Variants in ULK2 observed in about 807,000 individuals in gnomAD.
The protein encoded by ULK2 is serine/threonine-protein kinase ULK2.
ULK2 carries 76 observed loss-of-function variants against 127.5 expected under a neutral mutation model. That is an observed-to-expected ratio of 0.60 (90% CI 0.50 to 0.72). The LOEUF is 0.72. ULK2 is among the 30% of genes least tolerant of loss of function. ULK2 has a pLI of 0.00. For missense variants in ULK2, 1,144 were observed against 1,295.9 expected (o/e 0.88, Z 1.80); for synonymous variants, 452 against 461.9 (o/e 0.98, Z 0.28).
chr17:19,810,510 T>C (rs2087615350), intron 13 of ULK2, 72 bp from the exon 14 acceptor site: 1 of 957,028 alleles, frequency 1.0e-6, no homozygotes, highest in Non-Finnish European at 1.6e-6. Context: ...TGTTCCAAAA[T>C]GATTATTAGG....
intron 14 of ULK2, among the ~76,000 whole-genome samples, chr17:19,810,058 T>C (rs1477987270): frequency 1.3e-5 from 2 of 150,802 alleles, no homozygotes; most frequent in African/African-American, 4.9e-5. Flanking sequence ...AGTGAAACCT[T>C]GTCTCTATTA....
intron 16 of ULK2, among the ~76,000 whole-genome samples, 192 bp downstream of exon 16, chr17:19,801,585 T>C (rs1242361822): frequency 6.6e-6 from 1 of 151,668 alleles, no homozygotes. Context: ...TTGTCTCAAA[T>C]AGAGAAAGAA....
intron 11 of ULK2, among the ~76,000 whole-genome samples, chr17:19,825,901 G>A (rs897585486): frequency 6.6e-6 from 1 of 151,144 alleles, no homozygotes; most frequent in African/African-American, 2.4e-5. Context: ...CAGGAGAATG[G>A]CTTGAACCCG....
intron 3 of ULK2, among the ~76,000 whole-genome samples, chr17:19,862,562 C>G (rs999961224): frequency 6.6e-5 from 10 of 150,810 alleles, no homozygotes; most frequent in Non-Finnish European, 1.3e-4. Context: ...GCCTCCTGGG[C>G]TCAAGCAATT....
Position 19,867,744 on chromosome 17 carries a change from C to G in ULK2, c.-327G>C, listed in dbSNP as rs112155453. The G allele has an allele frequency of 0.068, 11,199 of 164,132 alleles. 488 individuals are homozygous for G. Among genetic ancestry groups the G allele is most frequent in the Non-Finnish European group, 0.1 (7,755 of 76,472 alleles). The allele number at this position is 164,132 out of a possible 1,614,324, so 10.2% of individuals were successfully genotyped here. On this transcript the variant is annotated 5_prime_UTR_variant, in exon 1 of 27. Transcript: ENST00000395544. ...CACTGTGCGCGCCCAGAGCCGCACA[C>G]GCGCTCTGAGGCAGTGAGGGGCCCG...
At chr17:19,837,711 A>G (rs1262373930) in intron 10 of ULK2, among the ~76,000 whole-genome samples, 2 of 152,076 alleles carry the variant, frequency 1.3e-5, no homozygotes, top group Non-Finnish European at 2.9e-5. Context: ...CATTCAATCT[A>G]TCAGTGAATG....
intron 25 of ULK2, among the ~76,000 whole-genome samples, chr17:19,778,166 A>G (rs2086846909): frequency 6.6e-6 from 1 of 152,204 alleles, no homozygotes; most frequent in Non-Finnish European, 1.5e-5. Flanking sequence ...TCATTCATTC[A>G]TTCAAAGATA....
At chr17:19,782,688 G>A (rs2086944852) in intron 22 of ULK2, among the ~76,000 whole-genome samples, 1 of 152,174 alleles carries the variant, frequency 6.6e-6, no homozygotes, top group South Asian at 2.1e-4. Flanking sequence ...GGCCAAGGCG[G>A]GTGGATCACC....
chr17:19,840,825 G>C (rs916294615), intron 9 of ULK2, among the ~76,000 whole-genome samples: 1 of 151,884 alleles, frequency 6.6e-6, no homozygotes, highest in Non-Finnish European at 1.5e-5. Flanking sequence ...GGAGGGGGAG[G>C]CTGCAGTGAG....
intron 9 of ULK2, chr17:19,840,098 A>G (rs1162391753): frequency 2.8e-6 from 1 of 355,636 alleles, no homozygotes; most frequent in Non-Finnish European, 5.6e-6. Flanking sequence ...ATACAGTGGC[A>G]GGTGCAGTTG....
At chr17:19,866,455 C>T (rs2042353424) in intron 1 of ULK2, among the ~76,000 whole-genome samples, 1 of 152,010 alleles carries the variant, frequency 6.6e-6, no homozygotes, top group African/African-American at 2.4e-5. Context: ...TTGCAGTGAG[C>T]GGAGATCTCG....
chr17:19,867,438 C>T lies in ULK2; in HGVS notation c.-21G>A, dbSNP rs759956758. 1.9e-6 allele frequency: 3 copies of T among 1,582,570 alleles called. No individual in the cohort carries two copies. The South Asian group carries it at 3.4e-5, about 18-fold the overall frequency. On this transcript the variant is annotated 5_prime_UTR_variant, in exon 1 of 27. In the 5' UTR this introduces an upstream ATG that the reference lacks. Coordinates refer to ENST00000395544, the MANE Select transcript of ULK2 (RefSeq NM_014683.4). ...TCCATGGCCGCGCCCCCGGGGCACA[C>T]AGCGGACGGGCGGGCGGCGCAGTGC...
intron 26 of ULK2, 127 bp from the exon 27 acceptor site, chr17:19,776,534 A>G (rs1597697134): frequency 1.1e-6 from 1 of 893,786 alleles, no homozygotes; most frequent in East Asian, 3.0e-5. Context: ...GTAATAGTTT[A>G]GATATGACTT....
rs2086973519 is a variant in ULK2 at position 19,783,912 on chromosome 17, G to GAA, written c.2252-8_2252-7insTT. 1.3e-6 allele frequency: 2 copies of GAA among 1,489,032 alleles called. No individual in the cohort carries two copies. The highest frequency in any genetic ancestry group is 2.8e-5 in the African/African-American group (2 of 71,156). The allele number at this position is 1,489,032 out of a possible 1,614,324, so 92.2% of individuals were successfully genotyped here. On this transcript the variant is annotated splice_polypyrimidine_tract_variant and splice_region_variant and intron_variant, in intron 21 of 26. Coordinates refer to ENST00000395544, the MANE Select transcript of ULK2 (RefSeq NM_014683.4). ...CCGGAGTTGCTGGGCCCCACTACAA[G>GAA]GAAACAGAGGATACATGGCAGTGTC... is the stretch of plus-strand genomic sequence containing the variant.
At position 19,797,673 on chromosome 17, in the gene ULK2, A is replaced by T. The variant is rs745580477; in HGVS notation, c.1532T>A (p.Val511Glu). ...SRSRNSSGSP[V>E]PQAQSPQSLL... Reference sequence around the variant, plus strand: ...AGACTGTGGGGACTGAGCTTGTGGCACTGGAGAACCTAACAAGAAAACAAA... The same window carrying T: ...AGACTGTGGGGACTGAGCTTGTGGCTCTGGAGAACCTAACAAGAAAACAAA... Residue 511 changes from valine (V) to glutamate (E), a missense_variant, in exon 18 of 27, where the codon GTG becomes GAG. By Grantham distance (121) the Val-to-Glu change is moderately radical. Coordinates refer to ENST00000395544, the MANE Select transcript of ULK2 (RefSeq NM_014683.4). The T allele has an allele frequency of 1.3e-6, 2 of 1,514,170 alleles. No individual in the cohort carries two copies. The highest frequency in any genetic ancestry group is 1.8e-6 in the Non-Finnish European group (2 of 1,130,044). 93.8% of individuals were successfully genotyped at this position (1,514,170 alleles called of 1,614,324 possible).
At chr17:19,799,855 A>AATG (rs1202858746) in intron 16 of ULK2, among the ~76,000 whole-genome samples, 1 of 152,234 alleles carries the variant, frequency 6.6e-6, no homozygotes, top group Non-Finnish European at 1.5e-5. Context: ...TATGTCCATA[A>AATG]GACAGGTAAG....
At chr17:19,820,638 A>T (rs2041117369) in intron 12 of ULK2, among the ~76,000 whole-genome samples, 1 of 152,206 alleles carries the variant, frequency 6.6e-6, no homozygotes, top group Non-Finnish European at 1.5e-5. Context: ...TAATTTTAAC[A>T]AATTTAAATG....
intron 8 of ULK2, among the ~76,000 whole-genome samples, chr17:19,842,695 TTCCA>T (rs1295017968): frequency 6.6e-5 from 10 of 152,030 alleles, no homozygotes; most frequent in Admixed American, 5.2e-4. Flanking sequence ...CCATAATAAT[TTCCA>T]TAAAGTGTAT....
At chr17:19,829,476 T>A (rs1383882229) in intron 10 of ULK2, among the ~76,000 whole-genome samples, 1 of 127,362 alleles carries the variant, frequency 7.9e-6, no homozygotes, top group Non-Finnish European at 1.6e-5. Context: ...GGCAGAGGTT[T>A]CAGTGAGCCA....
Sources: gnomAD v4.1 joint callset for allele counts (sites outside exome capture counted in the v4.1 genomes callset) on GRCh38, gnomAD v4.1.1 for gene constraint, MANE v1.5 for transcripts, NCBI Gene and HGNC (gene_info 2026-07-23, HGNC 2026-07-21) for gene names.